PRKAG2: variants seen among roughly 807,000 people sequenced by gnomAD.
The protein encoded by PRKAG2 is protein kinase AMP-activated non-catalytic subunit gamma 2.
Under a neutral mutation model 69.6 loss-of-function variants are expected in PRKAG2, and 26 were observed. The ratio of observed to expected loss-of-function variants is 0.37; its 90% CI spans 0.27 to 0.52. PRKAG2 has a LOEUF of 0.52. Ranked by LOEUF, PRKAG2 falls within the 20% of genes least tolerant of loss-of-function variation. The pLI, the probability that PRKAG2 is intolerant of heterozygous loss-of-function variation, is 0.90. For synonymous variants in PRKAG2, 293 were observed against 285.0 expected, an observed-to-expected ratio of 1.03 and a Z score of -0.28; for missense variants, 557 against 740.0, an observed-to-expected ratio of 0.75 and a Z score of 2.87.
chr7:151,661,790 G>A (rs1830360468), intron 4 of PRKAG2, among the ~76,000 whole-genome samples: 1 of 152,188 alleles, frequency 6.6e-6, no homozygotes. Flanking sequence ...AGATGGCAAA[G>A]GAAGCTTGTT....
intron 3 of PRKAG2, among the ~76,000 whole-genome samples, chr7:151,715,938 G>C (rs1027234222): frequency 6.6e-6 from 1 of 152,152 alleles, no homozygotes; most frequent in African/African-American, 2.4e-5. Flanking sequence ...AAGGATTTTC[G>C]AGAGGCACTT....
intron 4 of PRKAG2, among the ~76,000 whole-genome samples, chr7:151,657,947 C>T (rs1369960241): frequency 6.6e-6 from 1 of 150,968 alleles, no homozygotes; most frequent in Non-Finnish European, 1.5e-5. Context: ...CACTTGAGGT[C>T]AGGAGTTTGA....
At chr7:151,593,063 T>A (rs182457078) in intron 6 of PRKAG2, among the ~76,000 whole-genome samples, 120 of 152,370 alleles carry the variant, frequency 7.9e-4, no homozygotes, top group Admixed American at 2.4e-3. Flanking sequence ...TCAGTCACCT[T>A]GGACATCCAT....
chr7:151,852,911 C>G (rs1016709172), intron 1 of PRKAG2, among the ~76,000 whole-genome samples: 10 of 152,226 alleles, frequency 6.6e-5, no homozygotes, highest in African/African-American at 9.7e-5. Flanking sequence ...CCTGCTCTTT[C>G]ATATGTGACC....
intron 1 of PRKAG2, among the ~76,000 whole-genome samples, chr7:151,866,137 G>C (rs762705512): frequency 1.3e-5 from 2 of 152,132 alleles, no homozygotes; most frequent in Non-Finnish European, 2.9e-5. Context: ...GCCAAGTGAA[G>C]CGTATGGAGA....
At chr7:151,830,363 C>G (rs570941945) in intron 1 of PRKAG2, among the ~76,000 whole-genome samples, 3 of 152,042 alleles carry the variant, frequency 2.0e-5, no homozygotes, top group Admixed American at 1.3e-4. Context: ...CCAGGGTGCA[C>G]CTCTTTCCTC....
At chr7:151,667,409 A>G (rs576788681) in intron 4 of PRKAG2, among the ~76,000 whole-genome samples, 6 of 152,336 alleles carry the variant, frequency 3.9e-5, no homozygotes, top group Non-Finnish European at 7.3e-5. Flanking sequence ...TCCAGATTCT[A>G]TCTAGTACAT....
chr7:151,865,696 G>A (rs1167449341), intron 1 of PRKAG2, among the ~76,000 whole-genome samples: 2 of 152,240 alleles, frequency 1.3e-5, no homozygotes, highest in Non-Finnish European at 2.9e-5. Context: ...AACAAACTGA[G>A]AAAGAAGAAC....
chr7:151,580,866 A>T (rs1810284531), intron 6 of PRKAG2, among the ~76,000 whole-genome samples: 1 of 152,158 alleles, frequency 6.6e-6, no homozygotes, highest in African/African-American at 2.4e-5. Context: ...GTTAGATAGA[A>T]TGAATACGGT....
At chr7:151,740,630 CTT>C (rs1299992166) in intron 3 of PRKAG2, among the ~76,000 whole-genome samples, 1 of 152,246 alleles carries the variant, frequency 6.6e-6, no homozygotes, top group East Asian at 1.9e-4. Context: ...CTCTCAGTGA[CTT>C]TGCAAATGAG....
intron 3 of PRKAG2, among the ~76,000 whole-genome samples, chr7:151,695,654 C>T (rs1271915184): frequency 6.6e-6 from 1 of 152,212 alleles, no homozygotes; most frequent in Non-Finnish European, 1.5e-5. Context: ...AGCAGAGCCT[C>T]AGTTCAGCCA....
At chr7:151,743,893 G>A (rs927716112) in intron 3 of PRKAG2, among the ~76,000 whole-genome samples, 2 of 152,196 alleles carry the variant, frequency 1.3e-5, no homozygotes, top group South Asian at 2.1e-4. Context: ...GGAGGCCATG[G>A]CACTAGGTCC....
At chr7:151,844,113 C>G (rs1166039697) in intron 1 of PRKAG2, among the ~76,000 whole-genome samples, 4 of 152,182 alleles carry the variant, frequency 2.6e-5, no homozygotes, top group African/African-American at 9.7e-5. Flanking sequence ...CAGGCCTTTC[C>G]CAGGGGTTGG....
At chr7:151,845,435 C>T (rs2079408012) in intron 1 of PRKAG2, among the ~76,000 whole-genome samples, 1 of 147,782 alleles carries the variant, frequency 6.8e-6, no homozygotes, top group South Asian at 2.2e-4. Flanking sequence ...CATGAACCCG[C>T]CTCAGACCTA....
At chr7:151,602,571 T>C (rs1816366725) in intron 5 of PRKAG2, among the ~76,000 whole-genome samples, 1 of 152,250 alleles carries the variant, frequency 6.6e-6, no homozygotes, top group Non-Finnish European at 1.5e-5. Context: ...CATTGTATTT[T>C]GAATAAATAT....
At chr7:151,861,092 G>C (rs1218059577) in intron 1 of PRKAG2, among the ~76,000 whole-genome samples, 1 of 152,172 alleles carries the variant, frequency 6.6e-6, no homozygotes, top group African/African-American at 2.4e-5. Flanking sequence ...CTTCAGCCCT[G>C]GGGGCTCAAG....
At chr7:151,612,023 C>T (rs1004880709) in intron 5 of PRKAG2, among the ~76,000 whole-genome samples, 4 of 152,066 alleles carry the variant, frequency 2.6e-5, no homozygotes, top group Non-Finnish European at 5.9e-5. Flanking sequence ...CCAGCCTGGA[C>T]GACACAGTGA....
Position 151,597,954 on chromosome 7 carries a change from C to T in PRKAG2, c.755-2500G>A, listed in dbSNP as rs544941657. 2.0e-5 allele frequency among the ~76,000 whole-genome samples: 3 copies of T among 152,112 alleles called. 1 individual carries two copies. In the South Asian group the frequency reaches 6.2e-4, roughly 32 times the overall value. Reference sequence around the variant, plus strand: ...ACCCTATGATCCAGCAATCCCACTACCGGGTATATACCCAAAGGAAATGAA... The same window carrying T: ...ACCCTATGATCCAGCAATCCCACTATCGGGTATATACCCAAAGGAAATGAA... On this transcript the variant is annotated intron_variant, in intron 5 of 15. Coordinates refer to ENST00000287878, the MANE Select transcript of PRKAG2 (RefSeq NM_016203.4).
intron 5 of PRKAG2, among the ~76,000 whole-genome samples, chr7:151,601,811 C>T (rs921174802): frequency 3.3e-5 from 5 of 152,252 alleles, no homozygotes; most frequent in Non-Finnish European, 7.3e-5. Flanking sequence ...GCAGGGAAGA[C>T]AACAAACACA....
Sources: allele counts gnomAD v4.1 joint callset (sites outside exome capture counted in the v4.1 genomes callset), GRCh38; gene constraint gnomAD v4.1.1; transcripts MANE v1.5; gene names NCBI Gene and HGNC (gene_info 2026-07-23, HGNC 2026-07-21).